Variants in SEMA3E observed in about 807,000 individuals in gnomAD.
SEMA3E encodes the protein semaphorin-3E.
Under a neutral mutation model 93.6 loss-of-function variants are expected in SEMA3E, and 49 were observed. The ratio of observed to expected loss-of-function variants is 0.52; its 90% CI spans 0.42 to 0.66. The LOEUF (loss-of-function observed/expected upper bound fraction) is 0.66. Ranked by LOEUF, SEMA3E falls within the 30% of genes least tolerant of loss-of-function variation. The pLI is 0.00. For missense variants in SEMA3E, 906 were observed against 964.8 expected, an observed-to-expected ratio of 0.94 and a Z score of 0.81; for synonymous variants, 363 against 330.7, an observed-to-expected ratio of 1.10 and a Z score of -1.06.
At chr7:83,626,583 T>G (rs1793675208) in intron 1 of SEMA3E, among the ~76,000 whole-genome samples, 1 of 152,214 alleles carries the variant, frequency 6.6e-6, no homozygotes, top group African/African-American at 2.4e-5. Flanking sequence ...CGTGTCAATT[T>G]GATTCTTCTC....
rs376427109 is a variant in SEMA3E at position 83,408,521 on chromosome 7, A to G, written c.551-34T>C. 6 of 1,609,796 alleles carry G rather than the reference A, an allele frequency of 3.7e-6. No individual in the cohort carries two copies. In the African/African-American group the frequency reaches 8.0e-5, roughly 22 times the overall value. ...GAGCATCAGTAAAAAAGAAGTCAGT[A>G]TTTGTTAATATGTTAACAAATTAAA... On this transcript the variant is annotated intron_variant, in intron 5 of 16. Transcript: ENST00000643230.
chr7:83,539,868 T>TGTGC lies in SEMA3E; in HGVS notation c.116-49595_116-49594insGCAC, dbSNP rs1554336399. Among the ~76,000 whole-genome samples, 296 of 149,164 alleles carry TGTGC rather than the reference T, an allele frequency of 2.0e-3. 2 individuals are homozygous for TGTGC. Among genetic ancestry groups the TGTGC allele is most frequent in the African/African-American group, 6.1e-3 (248 of 40,810 alleles). On this transcript the variant is annotated intron_variant, in intron 1 of 16. Coordinates refer to ENST00000643230, the MANE Select transcript of SEMA3E (RefSeq NM_012431.3). ...GTTTTGTTGTTTCTGTGTGTGTGTG[T>TGTGC]GTGTGTGTGTGTGTGTGTGTGTGTG...
At chr7:83,641,294 T>C in intron 1 of SEMA3E, 1 of 656,358 alleles carries the variant, frequency 1.5e-6, no homozygotes, top group Non-Finnish European at 1.9e-6. Context: ...GAATGCCTAC[T>C]AAGTGTCAGG....
chr7:83,545,681 G>A (rs1449284037), intron 1 of SEMA3E, among the ~76,000 whole-genome samples: 2 of 150,754 alleles, frequency 1.3e-5, no homozygotes, highest in African/African-American at 4.9e-5. Context: ...CTCTACTGGG[G>A]ATAAGTCAGA....
At chr7:83,600,379 G>A (rs1184674941) in intron 1 of SEMA3E, among the ~76,000 whole-genome samples, 1 of 150,744 alleles carries the variant, frequency 6.6e-6, no homozygotes, top group Admixed American at 6.6e-5. Context: ...GAGTGCAATG[G>A]TGCTATCTCG....
intron 16 of SEMA3E, chr7:83,372,298 A>G (rs1455525025): frequency 1.0e-5 from 4 of 398,102 alleles, no homozygotes; most frequent in African/African-American, 6.2e-5. Flanking sequence ...CTGAAAAAAA[A>G]AATGCATACA....
chr7:83,587,986 A>G (rs1041940855), intron 1 of SEMA3E, among the ~76,000 whole-genome samples: 1 of 152,132 alleles, frequency 6.6e-6, no homozygotes, highest in African/African-American at 2.4e-5. Context: ...AATTAATTAT[A>G]TTTTGTGTAA....
intron 1 of SEMA3E, among the ~76,000 whole-genome samples, chr7:83,583,951 G>A (rs1792567282): frequency 6.6e-6 from 1 of 152,016 alleles, no homozygotes; most frequent in Non-Finnish European, 1.5e-5. Flanking sequence ...CATTGACGTT[G>A]TTGAGCCTAC....
intron 8 of SEMA3E, 147 bp downstream of exon 8, chr7:83,405,798 C>T (rs1788318064): frequency 2.8e-6 from 2 of 718,560 alleles, no homozygotes. Flanking sequence ...AGCATGCGTG[C>T]CTGGCCAAAA....
intron 5 of SEMA3E, among the ~76,000 whole-genome samples, chr7:83,415,485 T>C (rs1313797522): frequency 6.6e-6 from 1 of 152,154 alleles, no homozygotes; most frequent in Non-Finnish European, 1.5e-5. Flanking sequence ...TTTTACTCCT[T>C]AAATCCTTTG....
intron 9 of SEMA3E, 150 bp from the exon 10 acceptor site, chr7:83,402,926 T>G (rs904470420): frequency 2.7e-6 from 2 of 728,042 alleles, no homozygotes; most frequent in Non-Finnish European, 4.6e-6. Context: ...ATGTTAATTA[T>G]TGCAATATTT....
chr7:83,573,043 T>G (rs1175934935), intron 1 of SEMA3E, among the ~76,000 whole-genome samples: 1 of 152,044 alleles, frequency 6.6e-6, no homozygotes, highest in East Asian at 1.9e-4. Context: ...CGAGACTGAA[T>G]CAAACTAAAG....
chr7:83,576,068 A>G (rs897170068), intron 1 of SEMA3E, among the ~76,000 whole-genome samples: 2 of 152,246 alleles, frequency 1.3e-5, no homozygotes, highest in Non-Finnish European at 2.9e-5. Flanking sequence ...ATTGGCATAT[A>G]TACAGAGGCA....
At chr7:83,439,047 A>T (rs1789058251) in intron 4 of SEMA3E, among the ~76,000 whole-genome samples, 1 of 152,214 alleles carries the variant, frequency 6.6e-6, no homozygotes, top group Non-Finnish European at 1.5e-5. Flanking sequence ...GATGCTTTTT[A>T]TAAAACCATG....
At chr7:83,544,685 A>T (rs970365103) in intron 1 of SEMA3E, among the ~76,000 whole-genome samples, 5 of 152,140 alleles carry the variant, frequency 3.3e-5, no homozygotes, top group African/African-American at 1.2e-4. Flanking sequence ...CCCTAAAGAC[A>T]TGTTGCCTAT....
chr7:83,386,384 T>C (rs1258745284), intron 15 of SEMA3E, among the ~76,000 whole-genome samples: 1 of 152,096 alleles, frequency 6.6e-6, no homozygotes, highest in African/African-American at 2.4e-5. Context: ...GTCACTACCA[T>C]AATAGAAAGA....
chr7:83,406,920 C>A (rs1398685615), intron 7 of SEMA3E, among the ~76,000 whole-genome samples, 177 bp downstream of exon 7: 1 of 151,982 alleles, frequency 6.6e-6, no homozygotes, highest in Admixed American at 6.6e-5. Context: ...ATACAAGGTC[C>A]TTTTAAGATA....
In SEMA3E at chr7:83,469,235, ATACT is replaced by A. The variant is rs1368620211; in HGVS notation, c.336+4_336+7del. On this transcript the variant is annotated splice_donor_5th_base_variant and intron_variant, in intron 3 of 16. Coordinates refer to ENST00000643230, the MANE Select transcript of SEMA3E (RefSeq NM_012431.3). ...TGATTTGTTTAATTTACAATGAATC[ATACT>A]TACCGCATCTTTTCCCTTCATTATG... 3.1e-6 allele frequency: 5 copies of A among 1,600,066 alleles called. No homozygotes were observed. The highest frequency in any genetic ancestry group is 2.7e-5 in the African/African-American group (2 of 74,662).
At chr7:83,583,377 G>A (rs1054362407) in intron 1 of SEMA3E, among the ~76,000 whole-genome samples, 2 of 152,110 alleles carry the variant, frequency 1.3e-5, no homozygotes, top group African/African-American at 4.8e-5. Context: ...TATCTTTCAA[G>A]ATGTGAGTGG....
Sources: allele counts gnomAD v4.1 joint callset (sites outside exome capture counted in the v4.1 genomes callset), GRCh38; gene constraint gnomAD v4.1.1; transcripts MANE v1.5; gene names NCBI Gene and HGNC (gene_info 2026-07-23, HGNC 2026-07-21).